FOXP2: variants seen among roughly 807,000 people sequenced by gnomAD.
FOXP2 encodes the protein forkhead box P2.
In FOXP2, 12 loss-of-function variants were observed where a neutral mutation model predicts 115.8. The ratio of observed to expected loss-of-function variants is 0.10; its 90% CI spans 0.07 to 0.17. The LOEUF is 0.17. Among genes scored for constraint, FOXP2 ranks in the 10% least tolerant of loss-of-function variants. The pLI is 1.00. For missense variants in FOXP2, 629 were observed against 843.5 expected (o/e 0.75, Z 3.15); for synonymous variants, 328 against 297.7 (o/e 1.10, Z -1.05).
intron 2 of FOXP2, among the ~76,000 whole-genome samples, chr7:114,312,099 A>C (rs1047913326): frequency 1.3e-5 from 2 of 152,142 alleles, no homozygotes; most frequent in African/African-American, 4.8e-5. Flanking sequence ...CCTGCTGGGC[A>C]CTCAACCAAA....
At chr7:114,251,579 C>T (rs189147714) in intron 1 of FOXP2, among the ~76,000 whole-genome samples, 36 of 152,238 alleles carry the variant, frequency 2.4e-4, no homozygotes, top group Admixed American at 6.5e-4. Context: ...GGACTTCACT[C>T]ATGATTTGGC....
chr7:114,535,050 A>G (rs1799314020), intron 3 of FOXP2, among the ~76,000 whole-genome samples: 1 of 151,758 alleles, frequency 6.6e-6, no homozygotes, highest in Non-Finnish European at 1.5e-5. Flanking sequence ...AGTTATAGTA[A>G]AATGGTGTGG....
chr7:114,489,057 C>T (rs1186232112), intron 2 of FOXP2, among the ~76,000 whole-genome samples: 1 of 152,072 alleles, frequency 6.6e-6, no homozygotes, highest in East Asian at 1.9e-4. Flanking sequence ...ATCATTTTGT[C>T]AGTGATATTT....
chr7:114,235,276 A>G (rs774206010), intron 1 of FOXP2, among the ~76,000 whole-genome samples: 2 of 152,070 alleles, frequency 1.3e-5, no homozygotes, highest in Admixed American at 6.6e-5. Context: ...CAATTATTTT[A>G]TATCTGTGCA....
chr7:114,415,485 G>C (rs968392945), intron 1 of FOXP2, 125 bp downstream of exon 1: 1 of 362,508 alleles, frequency 2.8e-6, no homozygotes, highest in Admixed American at 3.8e-5. Flanking sequence ...GTAGCTCATT[G>C]AAATGAACTA....
intron 1 of FOXP2, among the ~76,000 whole-genome samples, chr7:114,213,526 TA>T (rs1794410174): frequency 6.6e-6 from 1 of 152,190 alleles, no homozygotes; most frequent in South Asian, 2.1e-4. Context: ...TAAACATATA[TA>T]ATTAATGTAT....
At chr7:114,246,070 T>C (rs1343727019) in intron 1 of FOXP2, among the ~76,000 whole-genome samples, 2 of 152,146 alleles carry the variant, frequency 1.3e-5, no homozygotes, top group Non-Finnish European at 2.9e-5. Context: ...TTTGAAATAC[T>C]GGAAGTGGAA....
chr7:114,275,527 T>C (rs547267063), intron 1 of FOXP2, among the ~76,000 whole-genome samples: 5 of 152,292 alleles, frequency 3.3e-5, no homozygotes, highest in African/African-American at 1.2e-4. Context: ...TGTTTGTTTT[T>C]TGTTGTTGTT....
intron 1 of FOXP2, among the ~76,000 whole-genome samples, chr7:114,244,611 C>T (rs930943191): frequency 6.6e-6 from 1 of 152,070 alleles, no homozygotes; most frequent in African/African-American, 2.4e-5. Flanking sequence ...GATTATTTAA[C>T]TTAATTATAT....
intron 1 of FOXP2, among the ~76,000 whole-genome samples, chr7:114,173,495 T>G (rs1793202769): frequency 6.6e-6 from 1 of 151,964 alleles, no homozygotes; most frequent in Non-Finnish European, 1.5e-5. Context: ...AACCAGGAAT[T>G]TATTATTCAT....
chr7:114,647,145 A>G (rs1387773772), intron 8 of FOXP2, among the ~76,000 whole-genome samples: 2 of 151,910 alleles, frequency 1.3e-5, no homozygotes, highest in African/African-American at 4.8e-5. Context: ...ATATCAGATA[A>G]CTTATCTTTT....
At chr7:114,689,252 C>T (rs1808533706) in intron 16 of FOXP2, among the ~76,000 whole-genome samples, 2 of 151,698 alleles carry the variant, frequency 1.3e-5, no homozygotes, top group Admixed American at 6.6e-5. Flanking sequence ...ACGCTTTAGC[C>T]CCAGTTTATT....
At chr7:114,524,659 C>T (rs1798779332) in intron 2 of FOXP2, among the ~76,000 whole-genome samples, 1 of 152,124 alleles carries the variant, frequency 6.6e-6, no homozygotes, top group Non-Finnish European at 1.5e-5. Flanking sequence ...TTATAACTGG[C>T]ATATCATGAG....
At chr7:114,300,346 C>T (rs1796850132) in intron 2 of FOXP2, among the ~76,000 whole-genome samples, 1 of 151,956 alleles carries the variant, frequency 6.6e-6, no homozygotes, top group South Asian at 2.1e-4. Flanking sequence ...ATTTAAATAA[C>T]ATATTTTGTC....
intron 3 of FOXP2, among the ~76,000 whole-genome samples, chr7:114,600,323 G>A (rs1164373114): frequency 6.6e-6 from 1 of 152,060 alleles, no homozygotes; most frequent in Non-Finnish European, 1.5e-5. Flanking sequence ...TGCATTTAAG[G>A]TTCCTCCATG....
intron 1 of FOXP2, among the ~76,000 whole-genome samples, chr7:114,244,911 AC>A (rs1471331899): frequency 6.6e-6 from 1 of 151,484 alleles, no homozygotes; most frequent in Non-Finnish European, 1.5e-5. Context: ...ACAGGCGCCC[AC>A]CATCACGCCC....
Position 114,232,485 on chromosome 7 carries a change from G to A in FOXP2, c.-101-55534G>A, listed in dbSNP as rs114942849. Among the ~76,000 whole-genome samples, 951 of 152,210 alleles carry A rather than the reference G, an allele frequency of 6.2e-3. 13 individuals are homozygous for A. Among genetic ancestry groups the A allele is most frequent in the African/African-American group, 0.022 (913 of 41,530 alleles). On this transcript the variant is annotated intron_variant, in intron 1 of 17. Transcript: ENST00000634411. ...CCTAAATGCCCATTAATGGATGAATGGATAACGAAATTATGGTATTTACAT... is the reference window on the plus strand; with the variant it reads ...CCTAAATGCCCATTAATGGATGAATAGATAACGAAATTATGGTATTTACAT...
intron 16 of FOXP2, chr7:114,667,683 A>G (rs1563069763): frequency 6.6e-6 from 1 of 152,154 alleles, no homozygotes; most frequent in Non-Finnish European, 1.5e-5. Context: ...CAGACTGCTG[A>G]GTGACTTAAA....
rs1584597016 is a variant in FOXP2, at chr7:114,271,693, A to G, written c.-101-16326A>G. 5.1e-5 allele frequency among the ~76,000 whole-genome samples: 6 copies of G among 116,968 alleles called. No individual in the cohort carries two copies. The South Asian group carries it at 1.2e-3, about 23-fold the overall frequency. 76.7% of individuals were successfully genotyped at this position (116,968 alleles called of 152,430 possible). ...ATTATTTAAAATTATATTTAATAATATATTTAATATATTATTTAATACATA... is the reference window on the plus strand; with the variant it reads ...ATTATTTAAAATTATATTTAATAATGTATTTAATATATTATTTAATACATA... On this transcript the variant is annotated intron_variant, in intron 1 of 17. Coordinates refer to the FOXP2 transcript ENST00000634411.
Sources: gnomAD v4.1 joint callset for allele counts (sites outside exome capture counted in the v4.1 genomes callset) on GRCh38, gnomAD v4.1.1 for gene constraint, MANE v1.5 for transcripts, NCBI Gene and HGNC (gene_info 2026-07-23, HGNC 2026-07-21) for gene names.